MYH10: variants seen among roughly 807,000 people sequenced by gnomAD.
MYH10 encodes myosin heavy chain 10.
A neutral mutation model predicts 257.8 loss-of-function variants in MYH10; 55 were observed. The ratio of observed to expected loss-of-function variants is 0.21; its 90% CI spans 0.17 to 0.27. The LOEUF is 0.27. MYH10 is among the 10% of genes least tolerant of loss of function. The pLI is 1.00. For missense variants in MYH10, 1,631 were observed against 2,500.6 expected (o/e 0.65, Z 7.42); for synonymous variants, 854 against 921.7 (o/e 0.93, Z 1.33).
At chr17:8,618,888 A>G (rs2085363261) in intron 2 of MYH10, among the ~76,000 whole-genome samples, 1 of 152,258 alleles carries the variant, frequency 6.6e-6, no homozygotes, top group East Asian at 1.9e-4. Flanking sequence ...ATAAAAACTC[A>G]AATTTTACCA....
rs745416277 is a variant in MYH10 at position 8,545,493 on chromosome 17, T to C, written c.1386A>G (p.Ala462=). 7 of 1,614,096 alleles carry C rather than the reference T, an allele frequency of 4.3e-6. No homozygotes were observed. The highest frequency in any genetic ancestry group is 1.7e-5 in the Admixed American group (1 of 59,982). ...KALDRTKRQG[A]SFIGILDIAG... is the part of the protein sequence containing the mutation. The stretch of plus-strand genomic sequence containing the variant: ...CAATATCCAGGATTCCAATGAAAGA[T>C]GCTCCCTGACGTTTGGTCCTATCCA... The change falls in exon 13 of 43, where the codon GCA becomes GCG. Residue 462 remains alanine, a synonymous_variant. Coordinates refer to ENST00000360416, the MANE Select transcript of MYH10 (RefSeq NM_001256012.3). The surrounding 1 kb of genome is among the most constrained non-coding windows in gnomAD (Gnocchi z 4.7).
intron 17 of MYH10, among the ~76,000 whole-genome samples, chr17:8,528,481 A>G (rs60656264): frequency 6.6e-6 from 1 of 152,008 alleles, no homozygotes; most frequent in Admixed American, 6.5e-5. Flanking sequence ...TAGGAATCCT[A>G]TTCTCCCCTG....
At chr17:8,515,213 T>TA (rs1440900617) in intron 21 of MYH10, among the ~76,000 whole-genome samples, 3 of 152,180 alleles carry the variant, frequency 2.0e-5, no homozygotes, top group African/African-American at 7.2e-5. Context: ...GGAGTAGCTA[T>TA]AGGACTCTCC....
intron 10 of MYH10, 113 bp from the exon 11 acceptor site, chr17:8,548,521 A>G: frequency 7.0e-7 from 1 of 1,420,752 alleles, no homozygotes; most frequent in Non-Finnish European, 9.6e-7. Context: ...TCAGTAAGAC[A>G]TGTCTTTTCA....
chr17:8,568,974 G>T (rs981291916), intron 7 of MYH10, among the ~76,000 whole-genome samples: 1 of 150,710 alleles, frequency 6.6e-6, no homozygotes, highest in Non-Finnish European at 1.5e-5. Flanking sequence ...TACTTTGGGA[G>T]GCTGAGGCTT....
chr17:8,489,775 TGGAA>T (rs947657164), intron 35 of MYH10, among the ~76,000 whole-genome samples: 3 of 147,090 alleles, frequency 2.0e-5, no homozygotes, highest in African/African-American at 7.8e-5. Context: ...TGCCATGAAC[TGGAA>T]GGGACTGGCA....
chr17:8,484,734 A>C (rs1914472403), intron 36 of MYH10, among the ~76,000 whole-genome samples: 1 of 152,244 alleles, frequency 6.6e-6, no homozygotes, highest in South Asian at 2.1e-4. Context: ...CTGAAGAAGC[A>C]CTTGACAAAA....
At chr17:8,576,758 T>C (rs1380728570) in intron 5 of MYH10, 86 bp from the exon 6 acceptor site, 3 of 1,331,738 alleles carry the variant, frequency 2.3e-6, no homozygotes, top group Admixed American at 4.0e-5. Flanking sequence ...ACCAAGCCAA[T>C]GTGCAGTTGA....
rs548693764 is a variant in MYH10, at chr17:8,606,051, A to G, written c.346-1069T>C. Reference sequence around the variant, plus strand: ...AACTACTATTCTTTTTAAATGAATTAATAAAGATTTAAAATGTATTTTAAT... The same window carrying G: ...AACTACTATTCTTTTTAAATGAATTGATAAAGATTTAAAATGTATTTTAAT... On this transcript the variant is annotated intron_variant, in intron 2 of 42. Transcript: ENST00000360416. Among the ~76,000 whole-genome samples the G allele has an allele frequency of 7.9e-5, 12 of 151,970 alleles. No homozygotes were observed. The East Asian group carries it at 2.1e-3, about 27-fold the overall frequency.
intron 6 of MYH10, 157 bp downstream of exon 6, chr17:8,576,486 A>T: frequency 1.6e-6 from 1 of 624,908 alleles, no homozygotes; most frequent in Non-Finnish European, 2.6e-6. Flanking sequence ...CTTCTCAAGA[A>T]AGAATAAGGC....
chr17:8,510,573 T>C (rs2081236168), intron 24 of MYH10, among the ~76,000 whole-genome samples: 1 of 152,204 alleles, frequency 6.6e-6, no homozygotes, highest in Non-Finnish European at 1.5e-5. Context: ...AAAAAGGTCT[T>C]GGTAATTAAA....
At chr17:8,489,708 A>AACACACACACACACACACACAC (rs59065540) in intron 35 of MYH10, among the ~76,000 whole-genome samples, 118 of 93,122 alleles carry the variant, frequency 1.3e-3, no homozygotes, top group African/African-American at 3.9e-3. Flanking sequence ...CGTCTGAAAA[A>AACACACACACACACACACACAC]ACACACACAC....
chr17:8,595,874 T>G (rs952810302), intron 3 of MYH10, among the ~76,000 whole-genome samples: 1 of 152,186 alleles, frequency 6.6e-6, no homozygotes, highest in Non-Finnish European at 1.5e-5. Context: ...TATAAATCAC[T>G]ATTAAATGTT....
intron 35 of MYH10, among the ~76,000 whole-genome samples, chr17:8,488,099 C>T (rs2151804517): frequency 6.6e-6 from 1 of 152,144 alleles, no homozygotes; most frequent in South Asian, 2.1e-4. Context: ...CAAAGCTGTC[C>T]AATGGAGGAG....
Position 8,552,206 on chromosome 17 carries a change from C to CT in MYH10, c.821-63dup. 1.3e-6 allele frequency: 1 copy of CT among 752,044 alleles called. No individual in the cohort carries two copies. The highest frequency in any genetic ancestry group is 2.0e-6 in the Non-Finnish European group (1 of 504,234). 46.6% of individuals were successfully genotyped at this position (752,044 alleles called of 1,614,324 possible). A position where few individuals can be genotyped will look rare whatever the true frequency, so the allele number is the denominator to read the frequency against. ...TAATTCTTAAATAAATAAAGGCCCT[C>CT]TTTCAGCGTCTGTAAATTTAAATCA... On this transcript the variant is annotated intron_variant, in intron 8 of 42. Transcript: ENST00000360416. The surrounding 1 kb of genome is among the most constrained non-coding windows in gnomAD (Gnocchi z 4.8).
chr17:8,496,021 AG>A (rs1916560430), intron 30 of MYH10, among the ~76,000 whole-genome samples: 1 of 152,140 alleles, frequency 6.6e-6, no homozygotes, highest in Non-Finnish European at 1.5e-5. Flanking sequence ...AAGTTCTTTT[AG>A]GTTTCAAAAA....
chr17:8,504,655 C>G lies in MYH10; in HGVS notation c.3599+39G>C. 2 of 1,579,288 alleles carry G rather than the reference C, an allele frequency of 1.3e-6. No homozygotes were observed. The highest frequency in any genetic ancestry group is 1.7e-6 in the Non-Finnish European group (2 of 1,153,046). Reference sequence around the variant, plus strand: ...TTCTGCACGGGCTCGGTGGAGAGGTCGGCAGGCGCCCGGGCCCTGCTTCCT... The same window carrying G: ...TTCTGCACGGGCTCGGTGGAGAGGTGGGCAGGCGCCCGGGCCCTGCTTCCT... On this transcript the variant is annotated intron_variant, in intron 28 of 42. Transcript: ENST00000360416. This position sits in a 1 kb window ranked among gnomAD's most constrained non-coding sequence, Gnocchi z 5.6.
chr17:8,499,593 C>A, intron 29 of MYH10, 117 bp from the exon 30 acceptor site: 1 of 848,594 alleles, frequency 1.2e-6, no homozygotes, highest in Non-Finnish European at 1.9e-6. Flanking sequence ...TAGTCAACAT[C>A]TGTTGAATGA....
At chr17:8,500,209 A>G (rs889917070) in intron 29 of MYH10, among the ~76,000 whole-genome samples, 3 of 152,234 alleles carry the variant, frequency 2.0e-5, no homozygotes, top group African/African-American at 7.2e-5. Context: ...AAAGATGGAG[A>G]AACTGGAGCA....
Sources: gnomAD v4.1 joint callset for allele counts (sites outside exome capture counted in the v4.1 genomes callset) on GRCh38, gnomAD v4.1.1 for gene constraint, Gnocchi (gnomAD v3.1) non-coding constraint, MANE v1.5 for transcripts, NCBI Gene and HGNC (gene_info 2026-07-23, HGNC 2026-07-21) for gene names.